Variants in BPNT1 observed in about 807,000 individuals in gnomAD.
BPNT1 encodes 3'(2'),5'-bisphosphate nucleotidase 1.
BPNT1 carries 28 observed loss-of-function variants against 36.9 expected under a neutral mutation model. That is an observed-to-expected ratio of 0.76 (90% CI 0.56 to 1.04). BPNT1 has a LOEUF of 1.04. Ranked by LOEUF, BPNT1 falls within the 50% of genes least tolerant of loss-of-function variation. The pLI is 0.00. For synonymous variants in BPNT1, 119 were observed against 130.9 expected (o/e 0.91, Z 0.62); for missense variants, 313 against 372.9 (o/e 0.84, Z 1.32).
intron 2 of BPNT1, among the ~76,000 whole-genome samples, chr1:220,079,099 C>A (rs1664870784): frequency 6.6e-6 from 1 of 152,092 alleles, no homozygotes; most frequent in Non-Finnish European, 1.5e-5. Flanking sequence ...CCAGATTTTA[C>A]CGAACATGTT....
chr1:220,083,438 C>G (rs1484652070), intron 1 of BPNT1, among the ~76,000 whole-genome samples: 2 of 151,710 alleles, frequency 1.3e-5, no homozygotes, highest in African/African-American at 2.4e-5. Flanking sequence ...CTTCAGCCTC[C>G]CGAGTAGCTG....
At chr1:220,081,171 G>A (rs568400235) in intron 1 of BPNT1, among the ~76,000 whole-genome samples, 7 of 152,126 alleles carry the variant, frequency 4.6e-5, no homozygotes, top group Non-Finnish European at 8.8e-5. Flanking sequence ...TCCTGACCTC[G>A]TGATCCCCCC....
At chr1:220,083,128 T>G (rs1284619259) in intron 1 of BPNT1, among the ~76,000 whole-genome samples, 1 of 150,308 alleles carries the variant, frequency 6.7e-6, no homozygotes, top group Non-Finnish European at 1.5e-5. Flanking sequence ...TCCCAGCTAC[T>G]CAGGAGGCTG....
Position 220,079,852 on chromosome 1 carries a change from A to C in BPNT1, c.-6T>G. 6.2e-7 allele frequency: 1 copy of C among 1,611,984 alleles called. No homozygotes were observed. Among genetic ancestry groups the C allele is most frequent in the Non-Finnish European group, 8.5e-7 (1 of 1,179,402 alleles). ...ACAGTGTTACTGGAAGCCATGGTACACTCTAAAAAGAGATCAAGAAAAATG... is the reference window on the plus strand; with the variant it reads ...ACAGTGTTACTGGAAGCCATGGTACCCTCTAAAAAGAGATCAAGAAAAATG... On this transcript the variant is annotated splice_region_variant and 5_prime_UTR_variant, in exon 2 of 9. Transcript: ENST00000322067.
intron 4 of BPNT1, among the ~76,000 whole-genome samples, chr1:220,071,209 C>G (rs1291703847): frequency 6.6e-6 from 1 of 151,992 alleles, no homozygotes; most frequent in East Asian, 2.0e-4. Context: ...AGCAAAGTGT[C>G]TTATTCATAG....
chr1:220,070,409 G>A (rs1238818091), intron 4 of BPNT1, among the ~76,000 whole-genome samples: 3 of 152,094 alleles, frequency 2.0e-5, no homozygotes, highest in East Asian at 3.9e-4. Context: ...GCAGTGGCGC[G>A]ATCTCGGCTC....
At position 220,075,232 on chromosome 1, in the gene BPNT1, T is replaced by G. The variant is rs9969996; in HGVS notation, c.121-1161A>C. 1.0e-3 allele frequency among the ~76,000 whole-genome samples: 156 copies of G among 152,150 alleles called. 1 individual carries two copies. The highest frequency in any genetic ancestry group is 3.6e-3 in the African/African-American group (148 of 41,518). The stretch of plus-strand genomic sequence containing the variant: ...CTAATTTTTGTATTTTTAGTAGAGA[T>G]GGGGTTTCACCATATTGGCCAGGCT... On this transcript the variant is annotated intron_variant, in intron 2 of 8. Transcript: ENST00000322067.
Position 220,087,753 on chromosome 1 carries a change from C to T in BPNT1, c.-9+1933G>A, listed in dbSNP as rs534184973. ...AGAAAAATGAGCAAATAAACAAGAA[C>T]GGGCAACACCTACAAAGAGAAAAGC... On this transcript the variant is annotated intron_variant, in intron 1 of 8. Transcript: ENST00000322067. Among the ~76,000 whole-genome samples the T allele has an allele frequency of 2.6e-5, 4 of 151,996 alleles. No individual in the cohort carries two copies. In the South Asian group the frequency reaches 6.2e-4, roughly 24 times the overall value.
intron 5 of BPNT1, among the ~76,000 whole-genome samples, chr1:220,068,805 T>G (rs1461987436): frequency 6.6e-6 from 1 of 152,172 alleles, no homozygotes; most frequent in East Asian, 1.9e-4. Context: ...CAAGACTGTC[T>G]AATAGAAAAA....
intron 1 of BPNT1, among the ~76,000 whole-genome samples, chr1:220,085,017 C>T (rs1655579817): frequency 6.6e-6 from 1 of 151,844 alleles, no homozygotes; most frequent in Non-Finnish European, 1.5e-5. Context: ...ATGCCCTAGC[C>T]TTAATCGTTT....
At chr1:220,059,093 C>T in intron 8 of BPNT1, 101 bp from the exon 9 acceptor site, 1 of 1,154,876 alleles carries the variant, frequency 8.7e-7, no homozygotes. Flanking sequence ...CCAATAGTAG[C>T]CAATAAATTC....
chr1:220,081,918 C>T (rs867060484), intron 1 of BPNT1, among the ~76,000 whole-genome samples: 18 of 151,720 alleles, frequency 1.2e-4, no homozygotes, highest in Non-Finnish European at 1.2e-4. Context: ...CAAATGATTC[C>T]GAAAGCACTC....
chr1:220,070,549 G>A (rs1478730567), intron 4 of BPNT1, among the ~76,000 whole-genome samples: 1 of 151,600 alleles, frequency 6.6e-6, no homozygotes, highest in African/African-American at 2.4e-5. Flanking sequence ...GTTTCACCGT[G>A]TTAGCGGATT....
chr1:220,067,505 A>T, intron 5 of BPNT1, 112 bp from the exon 6 acceptor site: 1 of 623,124 alleles, frequency 1.6e-6, no homozygotes, highest in Non-Finnish European at 2.8e-6. Flanking sequence ...ATTTGCAATG[A>T]TTCATCCGTG....
intron 1 of BPNT1, among the ~76,000 whole-genome samples, chr1:220,088,969 T>C (rs1436064001): frequency 6.9e-6 from 1 of 145,452 alleles, no homozygotes; most frequent in African/African-American, 2.5e-5. Context: ...GGCTTGGTGG[T>C]GGGCGCCTGT....
At chr1:220,061,121 GAGCT>G (rs1235461614) in intron 7 of BPNT1, among the ~76,000 whole-genome samples, 1 of 152,096 alleles carries the variant, frequency 6.6e-6, no homozygotes, top group African/African-American at 2.4e-5. Context: ...GAAAGAAAAA[GAGCT>G]AGCTATGTTA....
intron 5 of BPNT1, among the ~76,000 whole-genome samples, chr1:220,068,713 G>A (rs1214425716): frequency 6.6e-6 from 1 of 152,056 alleles, no homozygotes; most frequent in Non-Finnish European, 1.5e-5. Flanking sequence ...TGGGAGGTGA[G>A]GCAGGAGAAC....
intron 2 of BPNT1, among the ~76,000 whole-genome samples, chr1:220,075,084 C>T (rs1158168424): frequency 1.3e-5 from 2 of 152,152 alleles, no homozygotes; most frequent in African/African-American, 4.8e-5. Context: ...CACTCTGTCG[C>T]CTAGGCTGGA....
chr1:220,066,399 T>C (rs1663536298), intron 6 of BPNT1, among the ~76,000 whole-genome samples: 1 of 152,178 alleles, frequency 6.6e-6, no homozygotes, highest in South Asian at 2.1e-4. Context: ...ATAACTCTTT[T>C]GGTAAATCCT....
Sources: allele counts gnomAD v4.1 joint callset (sites outside exome capture counted in the v4.1 genomes callset), GRCh38; gene constraint gnomAD v4.1.1; transcripts MANE v1.5; gene names NCBI Gene and HGNC (gene_info 2026-07-23, HGNC 2026-07-21).